Variants in LRIT3 observed in about 807,000 individuals in gnomAD.
The protein encoded by LRIT3 is leucine-rich repeat, immunoglobulin-like domain and transmembrane domain-containing protein 3.
In LRIT3, 14 loss-of-function variants were observed where a neutral mutation model predicts 22.6. That is an observed-to-expected ratio of 0.62 (90% CI 0.41 to 0.97). LRIT3 has a LOEUF of 0.97. Ranked by LOEUF, LRIT3 falls within the 50% of genes least tolerant of loss-of-function variation. The pLI, the probability that LRIT3 is intolerant of heterozygous loss-of-function variation, is 0.00. For synonymous variants in LRIT3, 306 were observed against 304.5 expected, an observed-to-expected ratio of 1.01 and a Z score of -0.05; for missense variants, 783 against 803.0, an observed-to-expected ratio of 0.98 and a Z score of 0.30.
chr4:109,864,861 A>G (rs889055785), intron 2 of LRIT3, among the ~76,000 whole-genome samples: 3 of 152,210 alleles, frequency 2.0e-5, no homozygotes, highest in African/African-American at 7.2e-5. Context: ...TTCACTTTGT[A>G]TGATATTCAC....
intron 2 of LRIT3, 85 bp downstream of exon 2, chr4:109,852,061 G>C (rs540058650): frequency 2.3e-6 from 3 of 1,316,784 alleles, no homozygotes; most frequent in South Asian, 3.2e-5. Flanking sequence ...AAATTTGTTG[G>C]ATTTGGCTTT....
rs1734770650 is a variant in LRIT3, at chr4:109,869,650, C to T, written c.901C>T (p.Gln301Ter). Residue 301 changes from glutamine to a stop codon, truncating the protein, a stop_gained, in exon 4 of 4, where the codon CAA becomes TAA. Coordinates refer to ENST00000594814, the MANE Select transcript of LRIT3 (RefSeq NM_198506.5). LOFTEE classifies it low-confidence loss of function (END_TRUNC). ...ATACATTTGTTTTCTTCCAGTAATA[C>T]AAGAATCTCCAGAGGAAGGAGTCAG... ...DSSPVNYTVIQESPEEGVRWS... is the reference protein window; with the variant it reads ...DSSPVNYTVI The T allele has an allele frequency of 6.5e-7, 1 of 1,535,706 alleles. No homozygotes were observed. Among genetic ancestry groups the T allele is most frequent in the South Asian group, 1.3e-5 (1 of 76,508 alleles).
Position 109,851,589 on chromosome 4 carries a change from G to A in LRIT3, c.202G>A (p.Val68Ile). 2 of 1,551,876 alleles carry A rather than the reference G, an allele frequency of 1.3e-6. No individual in the cohort carries two copies. The highest frequency in any genetic ancestry group is 8.7e-7 in the Non-Finnish European group (1 of 1,147,038). The change falls in exon 2 of 4, where the codon GTC (valine) becomes ATC (isoleucine). Residue 68 changes from valine (V) to isoleucine (I), a missense_variant. Physicochemically the swap from Val to Ile is conservative, Grantham distance 29 (BLOSUM62 3). Transcript: ENST00000594814. ...TGTGAAGCTTCGCATAGAGAAGACT[G>A]TCATCCGCAGAATCTCTGCGGAGGC... ...DTVKLRIEKT[V>I]IRRISAEAFY...
intron 2 of LRIT3, among the ~76,000 whole-genome samples, chr4:109,862,460 A>G (rs761430582): frequency 9.2e-5 from 14 of 152,212 alleles, no homozygotes; most frequent in Non-Finnish European, 1.5e-4. Flanking sequence ...TAAAAATTGT[A>G]CCTTTGACCT....
Position 109,870,883 on chromosome 4 carries a change from T to A in LRIT3, c.*94T>A. 2 of 1,298,660 alleles carry A rather than the reference T, an allele frequency of 1.5e-6. No homozygotes were observed. Among genetic ancestry groups the A allele is most frequent in the Non-Finnish European group, 2.1e-6 (2 of 957,866 alleles). The allele number at this position is 1,298,660 out of a possible 1,614,324, so 80.4% of individuals were successfully genotyped here. ...GATGACTTTTGGACAGACTTTCACATTGTACATGAAAATCACAAATGGAAT... is the reference window on the plus strand; with the variant it reads ...GATGACTTTTGGACAGACTTTCACAATGTACATGAAAATCACAAATGGAAT... On this transcript the variant is annotated 3_prime_UTR_variant, in exon 4 of 4. Coordinates refer to ENST00000594814, the MANE Select transcript of LRIT3 (RefSeq NM_198506.5).
intron 2 of LRIT3, among the ~76,000 whole-genome samples, chr4:109,859,715 A>G (rs1424965865): frequency 6.6e-6 from 1 of 152,154 alleles, no homozygotes; most frequent in Non-Finnish European, 1.5e-5. Flanking sequence ...AGCTATGAAC[A>G]TCTGCTTTTC....
chr4:109,859,282 G>C (rs1734478805), intron 2 of LRIT3, among the ~76,000 whole-genome samples: 1 of 152,142 alleles, frequency 6.6e-6, no homozygotes, highest in Non-Finnish European at 1.5e-5. Flanking sequence ...GTTAGTGAGG[G>C]ATTTAGGGTC....
Position 109,870,182 on chromosome 4 carries a change from C to G in LRIT3, c.1433C>G (p.Thr478Arg). 6.2e-7 allele frequency: 1 copy of G among 1,614,204 alleles called. No individual in the cohort carries two copies. The highest frequency in any genetic ancestry group is 8.5e-7 in the Non-Finnish European group (1 of 1,180,026). The change falls in exon 4 of 4, where the codon ACA (threonine) becomes AGA (arginine). Residue 478 changes from threonine to arginine, a missense_variant. Physicochemically the swap from Thr to Arg is moderately conservative, Grantham distance 71. Coordinates refer to ENST00000594814, the MANE Select transcript of LRIT3 (RefSeq NM_198506.5). ...KKEELALLDQ[T>R]MLTETNAAIE... ...GAAGAGCTGGCATTGTTGGATCAAA[C>G]AATGCTTACGGAGACAAATGCCGCA...
At position 109,867,978 on chromosome 4, in the gene LRIT3, G is replaced by T. The variant is rs1337461783; in HGVS notation, c.895+32G>T. The T allele has an allele frequency of 3.2e-6, 5 of 1,576,646 alleles. No individual in the cohort carries two copies. The East Asian group carries it at 1.1e-4, about 36-fold the overall frequency. ...TCTTAATTCAGCCCCATGATCAAAG[G>T]AGTTTACTAAGCTTTGAAGTTAACA... On this transcript the variant is annotated intron_variant, in intron 3 of 3. Coordinates refer to ENST00000594814, the MANE Select transcript of LRIT3 (RefSeq NM_198506.5).
chr4:109,865,850 C>T (rs546724597), intron 2 of LRIT3, among the ~76,000 whole-genome samples: 5 of 152,168 alleles, frequency 3.3e-5, no homozygotes, highest in South Asian at 2.1e-4. Context: ...TCAGCCCAGA[C>T]GTTAGGTTCC....
chr4:109,870,919 AT>A lies in LRIT3; in HGVS notation c.*131del. On this transcript the variant is annotated 3_prime_UTR_variant, in exon 4 of 4. Coordinates refer to ENST00000594814, the MANE Select transcript of LRIT3 (RefSeq NM_198506.5). Reference sequence around the variant, plus strand: ...AATCACAAATGGAATGCTTTTAAGTATGTTTAAAAAATACCATGAGACCTCT... The same window carrying A: ...AATCACAAATGGAATGCTTTTAAGTAGTTTAAAAAATACCATGAGACCTCT... The A allele has an allele frequency of 1.1e-6, 1 of 932,128 alleles. No individual in the cohort carries two copies. Among genetic ancestry groups the A allele is most frequent in the Non-Finnish European group, 1.5e-6 (1 of 663,880 alleles). 57.7% of individuals were successfully genotyped at this position (932,128 alleles called of 1,614,324 possible). A position where few individuals can be genotyped will look rare whatever the true frequency, so the allele number is the denominator to read the frequency against.
Position 109,870,258 on chromosome 4 carries a change from G to A in LRIT3, c.1509G>A (p.Thr503=), listed in dbSNP as rs76587489. The change falls in exon 4 of 4, where the codon ACG becomes ACA. Residue 503 remains threonine (T), a synonymous_variant. Transcript: ENST00000594814. The stretch of plus-strand genomic sequence containing the variant: ...AGACTAAAGAGAGTGTGACATTGAC[G>A]TGGAATATGATCAACACCACACATA... ...VSETKESVTL[T]WNMINTTHNS... 0.013 allele frequency: 20,552 copies of A among 1,614,138 alleles called. 1,129 individuals carry two copies. In the East Asian group the frequency reaches 0.15, roughly 12 times the overall value.
chr4:109,868,263 C>T (rs866144965), intron 3 of LRIT3, among the ~76,000 whole-genome samples: 2 of 152,160 alleles, frequency 1.3e-5, no homozygotes, highest in Admixed American at 6.5e-5. Flanking sequence ...ACAGCCTTTA[C>T]AATTTTTTAA....
At chr4:109,854,292 A>G (rs993960052) in intron 2 of LRIT3, among the ~76,000 whole-genome samples, 7 of 152,180 alleles carry the variant, frequency 4.6e-5, no homozygotes, top group African/African-American at 1.7e-4. Context: ...CTCCTTAAAG[A>G]GATCCTTCAC....
At position 109,869,772 on chromosome 4, in the gene LRIT3, T is replaced by C. The variant is rs1174564766; in HGVS notation, c.1023T>C (p.Val341=). The change falls in exon 4 of 4, where the codon GTT becomes GTC. Residue 341 remains valine (V), a synonymous_variant. Coordinates refer to ENST00000594814, the MANE Select transcript of LRIT3 (RefSeq NM_198506.5). ...TGGCTGGGATGTCAGAAGCTGTGGTTACTGTGACAGTGCTTGGCATTACCA... is the reference window on the plus strand; with the variant it reads ...TGGCTGGGATGTCAGAAGCTGTGGTCACTGTGACAGTGCTTGGCATTACCA... ...KNLAGMSEAV[V]TVTVLGITTT... 3.7e-6 allele frequency: 6 copies of C among 1,613,882 alleles called. No individual in the cohort carries two copies. Among genetic ancestry groups the C allele is most frequent in the Non-Finnish European group, 5.1e-6 (6 of 1,179,762 alleles).
At chr4:109,853,687 G>A (rs1413203053) in intron 2 of LRIT3, among the ~76,000 whole-genome samples, 1 of 152,164 alleles carries the variant, frequency 6.6e-6, no homozygotes, top group African/African-American at 2.4e-5. Context: ...GTCCTGAATG[G>A]TATTGCCTAG....
Position 109,870,867 on chromosome 4 carries a change from T to C in LRIT3, c.*78T>C, listed in dbSNP as rs909244062. 3.0e-5 allele frequency: 43 copies of C among 1,421,358 alleles called. No individual in the cohort carries two copies. In the Middle Eastern group the frequency reaches 7.5e-4, roughly 25 times the overall value. 88.0% of individuals were successfully genotyped at this position (1,421,358 alleles called of 1,614,324 possible). A position where few individuals can be genotyped will look rare whatever the true frequency, so the allele number is the denominator to read the frequency against. ...ATTGACCCTAGGTTTGGATGACTTT[T>C]GGACAGACTTTCACATTGTACATGA... is the stretch of plus-strand genomic sequence containing the variant. On this transcript the variant is annotated 3_prime_UTR_variant, in exon 4 of 4. Coordinates refer to ENST00000594814, the MANE Select transcript of LRIT3 (RefSeq NM_198506.5).
chr4:109,869,888 C>A lies in LRIT3; in HGVS notation c.1139C>A (p.Ser380Tyr). 1 of 1,614,182 alleles carries A rather than the reference C, an allele frequency of 6.2e-7. No homozygotes were observed. Among genetic ancestry groups the A allele is most frequent in the African/African-American group, 1.3e-5 (1 of 75,060 alleles). ...GGATCTGGAAGATCTACATCTGTAT[C>A]TAGCGCATCATCATATCTTTGGTCC... is the stretch of plus-strand genomic sequence containing the variant. ...QPGSGRSTSV[S>Y]SASSYLWSSS... The change falls in exon 4 of 4, where the codon TCT (serine) becomes TAT (tyrosine). Residue 380 changes from serine (S) to tyrosine (Y), a missense_variant. Coordinates refer to ENST00000594814, the MANE Select transcript of LRIT3 (RefSeq NM_198506.5).
At chr4:109,869,260 A>G (rs1370055460) in intron 3 of LRIT3, among the ~76,000 whole-genome samples, 1 of 152,218 alleles carries the variant, frequency 6.6e-6, no homozygotes, top group Non-Finnish European at 1.5e-5. Flanking sequence ...CTTAAAATTG[A>G]AAGGGACCTT....
Sources: allele counts gnomAD v4.1 joint callset (sites outside exome capture counted in the v4.1 genomes callset), GRCh38; gene constraint gnomAD v4.1.1; transcripts MANE v1.5; gene names NCBI Gene and HGNC (gene_info 2026-07-23, HGNC 2026-07-21).